ARHGAP32: variants seen among roughly 807,000 people sequenced by gnomAD.
ARHGAP32 encodes Rho GTPase activating protein 32, also known as rho GTPase-activating protein 32.
ARHGAP32 carries 51 observed loss-of-function variants against 186.5 expected under a neutral mutation model. That is an observed-to-expected ratio of 0.27 (90% CI 0.22 to 0.35). ARHGAP32 has a LOEUF of 0.35. Ranked by LOEUF, ARHGAP32 falls within the 10% of genes least tolerant of loss-of-function variation. The pLI, the probability that ARHGAP32 is intolerant of heterozygous loss-of-function variation, is 1.00. For synonymous variants in ARHGAP32, 950 were observed against 964.3 expected, an observed-to-expected ratio of 0.99 and a Z score of 0.27; for missense variants, 2,186 against 2,623.5, an observed-to-expected ratio of 0.83 and a Z score of 3.64.
In ARHGAP32 at chr11:128,997,476, T is replaced by C. The variant is rs138104409; in HGVS notation, c.1195+843A>G. Among the ~76,000 whole-genome samples the C allele has an allele frequency of 3.5e-3, 530 of 152,332 alleles. 6 individuals carry two copies. The highest frequency in any genetic ancestry group is 0.012 in the African/African-American group (486 of 41,578). Reference sequence around the variant, plus strand: ...GTCTTCTCAAAAGGCACAATGGGTATTTCCCATACTAATTTGGAATTTCAT... The same window carrying C: ...GTCTTCTCAAAAGGCACAATGGGTACTTCCCATACTAATTTGGAATTTCAT... On this transcript the variant is annotated intron_variant, in intron 12 of 22. Coordinates refer to ENST00000682385, the MANE Select transcript of ARHGAP32 (RefSeq NM_001378024.1).
Position 129,155,926 on chromosome 11 carries a change from G to A in ARHGAP32, c.225+8393C>T, listed in dbSNP as rs565715348. Among the ~76,000 whole-genome samples, 13 of 152,316 alleles carry A rather than the reference G, an allele frequency of 8.5e-5. No homozygotes were observed. The South Asian group carries it at 2.3e-3, about 27-fold the overall frequency. ...ACAGTGAGTGCAGCCCATGGAAGGC[G>A]AGCCAAAGCAGAGTGGGGCGTTGCC... On this transcript the variant is annotated intron_variant, in intron 2 of 22. Transcript: ENST00000682385.
chr11:128,969,771 T>C lies in ARHGAP32; in HGVS notation c.5442A>G (p.Lys1814=). The C allele has an allele frequency of 6.2e-7, 1 of 1,614,144 alleles. No individual in the cohort carries two copies. Among genetic ancestry groups the C allele is most frequent in the Non-Finnish European group, 8.5e-7 (1 of 1,180,016 alleles). Residue 1814 remains lysine (K), a synonymous_variant, in exon 23 of 23, where the codon AAA becomes AAG. Coordinates refer to ENST00000682385, the MANE Select transcript of ARHGAP32 (RefSeq NM_001378024.1). The surrounding 1 kb of genome is among the most constrained non-coding windows in gnomAD (Gnocchi z 4.8). ...IHLRSKSDPG[K]TGLLSVAEGK... ...CTTCTGCCACTGAGAGAAGTCCAGT[T>C]TTCCCAGGATCTGATTTACTACGCA...
At chr11:128,972,386 C>A in intron 22 of ARHGAP32, 67 bp downstream of exon 22, 1 of 1,460,958 alleles carries the variant, frequency 6.8e-7, no homozygotes, top group Non-Finnish European at 9.1e-7. Flanking sequence ...AACAACACAC[C>A]CTGCTGAAAA....
chr11:129,263,059 T>TA (rs1485536482), intron 1 of ARHGAP32, among the ~76,000 whole-genome samples: 2 of 152,144 alleles, frequency 1.3e-5, no homozygotes, highest in African/African-American at 4.8e-5. Context: ...AAAATGAAAT[T>TA]AGAGTCTTAC....
At chr11:128,988,937 A>G (rs1279136334) in intron 12 of ARHGAP32, among the ~76,000 whole-genome samples, 1 of 152,198 alleles carries the variant, frequency 6.6e-6, no homozygotes, top group African/African-American at 2.4e-5. Context: ...ATGCAGATTG[A>G]TGAGTTTACA....
chr11:129,121,770 G>T (rs906253492), intron 5 of ARHGAP32, among the ~76,000 whole-genome samples: 3 of 151,956 alleles, frequency 2.0e-5, no homozygotes, highest in African/African-American at 7.3e-5. Context: ...GAAGATTACA[G>T]GTCTGTTCAT....
intron 15 of ARHGAP32, among the ~76,000 whole-genome samples, chr11:128,983,527 G>A (rs1273598046): frequency 1.3e-5 from 2 of 150,064 alleles, no homozygotes; most frequent in Non-Finnish European, 3.0e-5. Flanking sequence ...ATAGCATTAG[G>A]AGATATACCT....
chr11:128,995,760 G>C (rs540195015), intron 12 of ARHGAP32, among the ~76,000 whole-genome samples: 9 of 152,310 alleles, frequency 5.9e-5, no homozygotes, highest in African/African-American at 2.2e-4. Flanking sequence ...GACAGCTTGA[G>C]CCCAGGAGGC....
At chr11:129,108,889 C>T (rs562243289) in intron 5 of ARHGAP32, among the ~76,000 whole-genome samples, 28 of 152,138 alleles carry the variant, frequency 1.8e-4, no homozygotes, top group Non-Finnish European at 3.7e-4. Context: ...GTTTCCATCA[C>T]GTTAAGTATT....
chr11:129,237,269 G>A lies in ARHGAP32; in HGVS notation c.-5+41877C>T, dbSNP rs1452706822. 2.0e-5 allele frequency among the ~76,000 whole-genome samples: 3 copies of A among 152,240 alleles called. No individual in the cohort carries two copies. In the East Asian group the frequency reaches 5.8e-4, roughly 29 times the overall value. On this transcript the variant is annotated intron_variant, in intron 1 of 6. Coordinates refer to the ARHGAP32 transcript ENST00000525234. The stretch of plus-strand genomic sequence containing the variant: ...TTTGCCTACACAGATCAAAATAAAT[G>A]TTGATGTGAATAGTAAATCTCACAT...
At chr11:129,276,113 T>A (rs1219706345) in intron 1 of ARHGAP32, among the ~76,000 whole-genome samples, 4 of 152,202 alleles carry the variant, frequency 2.6e-5, no homozygotes, top group African/African-American at 9.7e-5. Context: ...CCTGACTCTA[T>A]TAAATTTTAA....
intron 1 of ARHGAP32, among the ~76,000 whole-genome samples, chr11:129,240,019 A>T (rs1944993718): frequency 6.6e-6 from 1 of 152,170 alleles, no homozygotes; most frequent in African/African-American, 2.4e-5. Flanking sequence ...CGCAGTGACA[A>T]ATTAAATAAT....
intron 1 of ARHGAP32, among the ~76,000 whole-genome samples, chr11:129,265,335 T>C (rs1439268891): frequency 1.3e-5 from 2 of 152,314 alleles, no homozygotes; most frequent in East Asian, 3.9e-4. Flanking sequence ...CTGACATTCT[T>C]GACCAGATGG....
chr11:128,970,612 T>C lies in ARHGAP32; in HGVS notation c.4601A>G (p.Tyr1534Cys). ...HHNKLEQHQV[Y>C]GARSEPPASM... is the part of the protein sequence containing the mutation. ...GGCTGGTGGCTCTGACCTGGCACCA[T>C]ACACTTGGTGCTGCTCCAATTTATT... is the stretch of plus-strand genomic sequence containing the variant. Residue 1534 changes from tyrosine to cysteine, a missense_variant, in exon 23 of 23, where the codon TAT (tyrosine) becomes TGT (cysteine). Tyr to Cys is a radical substitution (Grantham distance 194). This residue lies in a region of ARHGAP32 where 1,502 missense variants were observed against 1,570.0 expected (regional missense o/e 0.96). Transcript: ENST00000682385. This position sits in a 1 kb window ranked among gnomAD's most constrained non-coding sequence, Gnocchi z 5.8. 1.9e-6 allele frequency: 3 copies of C among 1,614,176 alleles called. No individual in the cohort carries two copies. Among genetic ancestry groups the C allele is most frequent in the Non-Finnish European group, 2.5e-6 (3 of 1,180,028 alleles).
At chr11:129,101,180 G>A (rs1385021241) in intron 5 of ARHGAP32, among the ~76,000 whole-genome samples, 1 of 151,908 alleles carries the variant, frequency 6.6e-6, no homozygotes, top group Admixed American at 6.6e-5. Context: ...AACCCTAAAG[G>A]TCATCAAATA....
intron 1 of ARHGAP32, among the ~76,000 whole-genome samples, chr11:129,220,939 T>C (rs1944703144): frequency 6.6e-6 from 1 of 152,158 alleles, no homozygotes; most frequent in Non-Finnish European, 1.5e-5. Flanking sequence ...TACCAAAACC[T>C]GAATCTCACC....
intron 15 of ARHGAP32, 130 bp from the exon 16 acceptor site, chr11:128,982,066 C>CT (rs1235771139): frequency 1.3e-5 from 7 of 526,390 alleles, no homozygotes; most frequent in Admixed American, 3.7e-5. Context: ...CCCAAGAGAA[C>CT]TTTTTTTTCC....
intron 1 of ARHGAP32, among the ~76,000 whole-genome samples, chr11:129,221,240 G>T (rs941602363): frequency 2.0e-5 from 3 of 152,074 alleles, no homozygotes; most frequent in Admixed American, 1.3e-4. Context: ...ATTTTAAGGA[G>T]GCAAAGTTTC....
chr11:129,063,913 G>A lies in ARHGAP32; in HGVS notation c.874C>T (p.Leu292=). 6.2e-7 allele frequency: 1 copy of A among 1,608,412 alleles called. No individual in the cohort carries two copies. Among genetic ancestry groups the A allele is most frequent in the East Asian group, 2.2e-5 (1 of 44,800 alleles). ...CTTTAACTATTTACCTCTAAGGTCA[G>A]TTCGTCAGGGGCCCGAGCAGTGTAC... ...KRYTARAPDE[L]TLEVGDIVSV... The change falls in exon 9 of 23, where the codon CTG becomes TTG. Residue 292 remains leucine, a synonymous_variant. Transcript: ENST00000682385.
Sources: allele counts gnomAD v4.1 joint callset (sites outside exome capture counted in the v4.1 genomes callset), GRCh38; gene constraint gnomAD v4.1.1; regional missense constraint gnomAD v4.1.1; non-coding constraint Gnocchi (gnomAD v3.1); transcripts MANE v1.5; gene names NCBI Gene and HGNC (gene_info 2026-07-23, HGNC 2026-07-21).